The following UBN2 variants were observed in gnomAD, a reference collection of about 807,000 sequenced individuals.
The protein encoded by UBN2 is ubinuclein-2.
UBN2 carries 35 observed loss-of-function variants against 120.2 expected under a neutral mutation model. The ratio of observed to expected loss-of-function variants is 0.29; its 90% CI spans 0.22 to 0.39. The LOEUF is 0.39. Among genes scored for constraint, UBN2 ranks in the 10% least tolerant of loss-of-function variants. The probability of loss-of-function intolerance (pLI) is 1.00; values close to 1 mark genes in which losing one functional copy is unlikely to be tolerated. For missense variants in UBN2, 1,693 were observed against 1,663.2 expected (o/e 1.02, Z -0.31); for synonymous variants, 661 against 648.7 (o/e 1.02, Z -0.29).
At chr7:139,317,459 C>A in the UBN2 span, among the ~76,000 whole-genome samples, 117 of 151,964 alleles carry the variant, frequency 7.7e-4, no homozygotes, top group African/African-American at 2.7e-3. Context: ...CACACACTTA[C>A]AATTTTTTAA....
chr7:139,288,589 A>G (rs561143253), intron 15 of UBN2, among the ~76,000 whole-genome samples: 1 of 152,132 alleles, frequency 6.6e-6, no homozygotes, highest in Non-Finnish European at 1.5e-5. Flanking sequence ...GTGGGAAGCT[A>G]TTGGAGGTTC....
intron 8 of UBN2, among the ~76,000 whole-genome samples, chr7:139,270,476 A>AGGCT (rs1229677114): frequency 2.6e-5 from 4 of 152,094 alleles, no homozygotes; most frequent in Non-Finnish European, 2.9e-5. Flanking sequence ...CATGTTGGCC[A>AGGCT]GGCTGGGGTC....
In UBN2 at chr7:139,283,768, G is replaced by A. The variant is rs778535079; in HGVS notation, c.2863G>A (p.Val955Ile). Residue 955 changes from valine to isoleucine, a missense_variant, in exon 15 of 18, where the codon GTC becomes ATC. Val to Ile is a conservative substitution (Grantham distance 29, BLOSUM62 3). Transcript: ENST00000473989. ...CATCAGTAAATCCCAGACCAACCCC[G>A]TCGTGAAGTTAAGTAATAATCCCCA... ...ATISKSQTNPVVKLSNNPQLS... is the reference protein window; with the variant it reads ...ATISKSQTNPIVKLSNNPQLS... The A allele has an allele frequency of 9.9e-6, 16 of 1,613,572 alleles. No individual in the cohort carries two copies. The highest frequency in any genetic ancestry group is 6.7e-5 in the East Asian group (3 of 44,890).
At chr7:139,326,845 G>T in the UBN2 span, among the ~76,000 whole-genome samples, 2 of 151,988 alleles carry the variant, frequency 1.3e-5, no homozygotes, top group African/African-American at 4.8e-5. Flanking sequence ...CAGGGCCACT[G>T]TGTCACCACT....
At chr7:139,309,875 T>C (rs1266809862), downstream of UBN2, among the ~76,000 whole-genome samples, 3 of 152,162 alleles carry the variant, frequency 2.0e-5, no homozygotes, top group Non-Finnish European at 4.4e-5. Flanking sequence ...TACATATGTG[T>C]GTACATACAT....
chr7:139,309,217 T>C (rs1208588899), downstream of UBN2, among the ~76,000 whole-genome samples: 6 of 152,196 alleles, frequency 3.9e-5, no homozygotes, highest in South Asian at 2.1e-4. Context: ...GGAAAAAATA[T>C]CAAAAAGGAC....
chr7:139,252,439 G>A (rs1434443726), intron 3 of UBN2, among the ~76,000 whole-genome samples: 3 of 152,090 alleles, frequency 2.0e-5, no homozygotes, highest in African/African-American at 4.8e-5. Flanking sequence ...GCATGGCTGC[G>A]TTACAATGAA....
intron 1 of UBN2, 116 bp downstream of exon 1, chr7:139,232,068 T>G (rs2130917820): frequency 9.8e-7 from 1 of 1,018,022 alleles, no homozygotes; most frequent in Non-Finnish European, 1.4e-6. Flanking sequence ...GCCCCGAGGG[T>G]GGGGTGCGGG....
the UBN2 span, among the ~76,000 whole-genome samples, chr7:139,325,638 A>ACT: frequency 2.0e-5 from 3 of 152,120 alleles, no homozygotes; most frequent in African/African-American, 7.2e-5. Flanking sequence ...ACGCATGTAT[A>ACT]CTCTGATGTA....
intron 13 of UBN2, among the ~76,000 whole-genome samples, chr7:139,281,311 A>G (rs183805610): frequency 2.2e-4 from 33 of 152,258 alleles, no homozygotes; most frequent in Non-Finnish European, 3.7e-4. Flanking sequence ...AACTCCCCAT[A>G]GTGTTTCTAG....
At chr7:139,288,020 A>G (rs1797841608) in intron 15 of UBN2, among the ~76,000 whole-genome samples, 1 of 152,192 alleles carries the variant, frequency 6.6e-6, no homozygotes, top group South Asian at 2.1e-4. Flanking sequence ...ATAACTTTCC[A>G]CACAGGGGTT....
intron 15 of UBN2, among the ~76,000 whole-genome samples, chr7:139,288,162 A>G (rs1203356202): frequency 6.6e-6 from 1 of 152,186 alleles, no homozygotes. Flanking sequence ...GCACTCTTCT[A>G]GGTGCTGGGG....
chr7:139,308,130 A>G lies in UBN2; in HGVS notation c.*10294A>G, dbSNP rs529034809. ...AAGAGCCTTATTTGATTCAGTGTAG[A>G]TGTTTCCTGTCTATCCTTTGTGACA... On this transcript the variant is annotated 3_prime_UTR_variant, in exon 18 of 18. Coordinates refer to ENST00000473989, the MANE Select transcript of UBN2 (RefSeq NM_173569.4). 1 of 151,520 alleles carries G rather than the reference A, an allele frequency of 6.6e-6. No individual in the cohort carries two copies. The highest frequency in any genetic ancestry group is 2.4e-5 in the African/African-American group (1 of 41,206). The allele number at this position is 151,520 out of a possible 1,614,324, so 9.4% of individuals were successfully genotyped here. A position where few individuals can be genotyped will look rare whatever the true frequency, so the allele number is the denominator to read the frequency against.
chr7:139,303,794 T>C lies in UBN2; in HGVS notation c.*5958T>C, dbSNP rs1798311799. 6.6e-6 allele frequency: 1 copy of C among 152,236 alleles called. No homozygotes were observed. Among genetic ancestry groups the C allele is most frequent in the Non-Finnish European group, 1.5e-5 (1 of 68,042 alleles). 9.4% of individuals were successfully genotyped at this position (152,236 alleles called of 1,614,324 possible). A position where few individuals can be genotyped will look rare whatever the true frequency, so the allele number is the denominator to read the frequency against. ...ACTGGAATTTTAATTTAGATACATA[T>C]TTGTTATTTAAACATTATCTTTGAG... On this transcript the variant is annotated 3_prime_UTR_variant, in exon 18 of 18. Transcript: ENST00000473989.
chr7:139,324,759 T>G, the UBN2 span, among the ~76,000 whole-genome samples: 4 of 151,740 alleles, frequency 2.6e-5, no homozygotes, highest in African/African-American at 9.7e-5. Flanking sequence ...TCTCCTCAGG[T>G]CAGAAGTTCG....
In UBN2 at chr7:139,290,873, T is replaced by A. The variant is rs112297391; in HGVS notation, c.3670-2359T>A. 6.1e-3 allele frequency among the ~76,000 whole-genome samples: 931 copies of A among 152,290 alleles called. 6 individuals carry two copies. Among genetic ancestry groups the A allele is most frequent in the African/African-American group, 0.021 (854 of 41,548 alleles). On this transcript the variant is annotated intron_variant, in intron 15 of 17. Transcript: ENST00000473989. Reference sequence around the variant, plus strand: ...AATATATGTAATGTTATGTGGCATGTGTGTGTGGAAAGATTGTCTGCATTT... The same window carrying A: ...AATATATGTAATGTTATGTGGCATGAGTGTGTGGAAAGATTGTCTGCATTT...
intron 2 of UBN2, among the ~76,000 whole-genome samples, chr7:139,250,925 A>G (rs1796608642): frequency 6.6e-6 from 1 of 152,100 alleles, no homozygotes; most frequent in Non-Finnish European, 1.5e-5. Flanking sequence ...TGGGCAACAT[A>G]GGGAGGCCCT....
the UBN2 span, among the ~76,000 whole-genome samples, chr7:139,324,568 A>AAG: frequency 1.3e-5 from 2 of 151,308 alleles, no homozygotes; most frequent in Admixed American, 6.6e-5. Flanking sequence ...AAAAAAAAAA[A>AAG]AAAAAAAGAA....
At chr7:139,256,170 G>A (rs908126910) in intron 3 of UBN2, among the ~76,000 whole-genome samples, 1 of 152,088 alleles carries the variant, frequency 6.6e-6, no homozygotes, top group Non-Finnish European at 1.5e-5. Flanking sequence ...AAGCTCAGCA[G>A]AATACTGCAT....
Sources: gnomAD v4.1 joint callset for allele counts (sites outside exome capture counted in the v4.1 genomes callset) on GRCh38, gnomAD v4.1.1 for gene constraint, MANE v1.5 for transcripts, NCBI Gene and HGNC (gene_info 2026-07-23, HGNC 2026-07-21) for gene names.